The following EYS variants were observed in gnomAD, a reference collection of about 807,000 sequenced individuals.
The protein encoded by EYS is protein eyes shut homolog.
EYS carries 250 observed loss-of-function variants against 282.1 expected under a neutral mutation model. That is an observed-to-expected ratio of 0.89 (90% confidence interval 0.80 to 0.98). EYS has a LOEUF of 0.98. Among genes scored for constraint, EYS ranks in the 50% least tolerant of loss-of-function variants. The probability of loss-of-function intolerance (pLI) is 0.00; values close to 1 mark genes in which losing one functional copy is unlikely to be tolerated. For synonymous variants in EYS, 1,355 were observed against 1,282.9 expected, an observed-to-expected ratio of 1.06 and a Z score of -1.20; for missense variants, 4,016 against 3,709.0, an observed-to-expected ratio of 1.08 and a Z score of -2.15.
intron 2 of EYS, among the ~76,000 whole-genome samples, chr6:65,559,888 G>C (rs1768970830): frequency 6.6e-6 from 1 of 151,548 alleles, no homozygotes; most frequent in Admixed American, 6.6e-5. Context: ...AGAATTTACA[G>C]TCCTTTGAAT....
intron 31 of EYS, among the ~76,000 whole-genome samples, chr6:64,129,755 T>A (rs1463228281): frequency 6.6e-6 from 1 of 152,260 alleles, no homozygotes; most frequent in African/African-American, 2.4e-5. Context: ...AGGGGTTTTA[T>A]GGTTTTAGGT....
intron 12 of EYS, among the ~76,000 whole-genome samples, chr6:65,211,805 C>G (rs188533494): frequency 1.3e-5 from 2 of 151,976 alleles, no homozygotes; most frequent in Non-Finnish European, 2.9e-5. Context: ...CTCCAAGGTA[C>G]ACACACCAAA....
intron 5 of EYS, among the ~76,000 whole-genome samples, chr6:65,466,117 T>C (rs1764990146): frequency 6.6e-6 from 1 of 152,150 alleles, no homozygotes; most frequent in Non-Finnish European, 1.5e-5. Context: ...AAATGTATAA[T>C]AGTGTAACAA....
At chr6:65,023,991 G>A (rs145642256) in intron 13 of EYS, among the ~76,000 whole-genome samples, 1 of 152,274 alleles carries the variant, frequency 6.6e-6, no homozygotes, top group African/African-American at 2.4e-5. Flanking sequence ...TACTAGTCAA[G>A]ATGGAAGGAG....
At chr6:64,407,076 A>C (rs1313388485) in intron 28 of EYS, among the ~76,000 whole-genome samples, 1 of 152,230 alleles carries the variant, frequency 6.6e-6, no homozygotes, top group Non-Finnish European at 1.5e-5. Context: ...GGAATGGATA[A>C]AGAAAATGTG....
chr6:64,753,823 A>C (rs919159516), intron 22 of EYS, among the ~76,000 whole-genome samples: 9 of 152,100 alleles, frequency 5.9e-5, no homozygotes, highest in African/African-American at 1.9e-4. Context: ...TGAGTGCATA[A>C]AACATTCCCC....
At chr6:64,574,046 A>C (rs1233950466) in intron 26 of EYS, among the ~76,000 whole-genome samples, 1 of 152,220 alleles carries the variant, frequency 6.6e-6, no homozygotes, top group African/African-American at 2.4e-5. Context: ...TCAATGATAG[A>C]CTGGACAAAG....
intron 26 of EYS, among the ~76,000 whole-genome samples, chr6:64,474,788 C>A (rs1040735269): frequency 6.6e-6 from 1 of 152,220 alleles, no homozygotes; most frequent in African/African-American, 2.4e-5. Context: ...GTTAAATTTG[C>A]TAACCTGAGA....
chr6:65,184,722 A>G (rs1260827347), intron 12 of EYS, among the ~76,000 whole-genome samples: 2 of 151,696 alleles, frequency 1.3e-5, no homozygotes, highest in African/African-American at 4.8e-5. Flanking sequence ...TAATGCTGTA[A>G]GGGTTTTGTT....
At chr6:64,983,567 A>C (rs1233649654) in intron 14 of EYS, among the ~76,000 whole-genome samples, 2 of 151,436 alleles carry the variant, frequency 1.3e-5, no homozygotes, top group East Asian at 3.9e-4. Context: ...AATTTTTAAA[A>C]TCATTATTTA....
chr6:63,953,240 G>A (rs989160611), intron 35 of EYS, among the ~76,000 whole-genome samples: 8 of 152,112 alleles, frequency 5.3e-5, no homozygotes, highest in Admixed American at 1.3e-4. Context: ...CTGTACTGCC[G>A]CAAGGCTTCA....
chr6:64,662,831 A>C (rs1769091306), intron 22 of EYS, among the ~76,000 whole-genome samples: 1 of 152,188 alleles, frequency 6.6e-6, no homozygotes, highest in South Asian at 2.1e-4. Flanking sequence ...CGCAGTTAGC[A>C]AATAATGGAT....
intron 13 of EYS, among the ~76,000 whole-genome samples, chr6:65,004,608 C>G (rs1213363520): frequency 3.4e-5 from 5 of 147,742 alleles, no homozygotes; most frequent in Non-Finnish European, 7.6e-5. Context: ...GCTCCATTCT[C>G]ACAAGAATCA....
chr6:64,016,450 C>T (rs1321660304), intron 33 of EYS, among the ~76,000 whole-genome samples: 1 of 151,584 alleles, frequency 6.6e-6, no homozygotes, highest in Admixed American at 6.6e-5. Context: ...GTTGTAGCTC[C>T]AGAATCTATG....
At chr6:65,204,405 T>TA (rs112984476) in intron 12 of EYS, among the ~76,000 whole-genome samples, 13,911 of 134,890 alleles carry the variant, frequency 0.1, 1,439 homozygotes, top group African/African-American at 0.28. Context: ...TTAGCCTCCT[T>TA]AAAAAAAAAA....
chr6:64,492,461 C>T (rs763998629), intron 26 of EYS, among the ~76,000 whole-genome samples: 3 of 149,992 alleles, frequency 2.0e-5, no homozygotes, highest in Non-Finnish European at 4.5e-5. Flanking sequence ...TCATGCTGGT[C>T]CTGTTTTTTT....
intron 5 of EYS, among the ~76,000 whole-genome samples, chr6:65,488,367 C>G (rs187699352): frequency 2.3e-4 from 35 of 152,000 alleles, no homozygotes; most frequent in African/African-American, 8.2e-4. Flanking sequence ...GATTCTGGTA[C>G]GTTGTGTCTT....
intron 41 of EYS, among the ~76,000 whole-genome samples, chr6:63,746,966 T>A (rs1769224290): frequency 6.6e-6 from 1 of 152,206 alleles, no homozygotes; most frequent in South Asian, 2.1e-4. Context: ...TTTCTTGTCT[T>A]CTGCTAGCTT....
intron 22 of EYS, among the ~76,000 whole-genome samples, chr6:64,766,631 C>CAAAAA (rs1173014436): frequency 3.4e-4 from 5 of 14,840 alleles, no homozygotes; most frequent in Admixed American, 1.3e-3. Flanking sequence ...AACTCCGTCT[C>CAAAAA]AAAAAAAAAA....
Sources: gnomAD v4.1 joint callset for allele counts (sites outside exome capture counted in the v4.1 genomes callset) on GRCh38, gnomAD v4.1.1 for gene constraint, MANE v1.5 for transcripts, NCBI Gene and HGNC (gene_info 2026-07-23, HGNC 2026-07-21) for gene names.